Variants in PLCL1 observed in about 807,000 individuals in gnomAD.
PLCL1 encodes inactive phospholipase C-like protein 1.
A neutral mutation model predicts 84.4 loss-of-function variants in PLCL1; 41 were observed. That is an observed-to-expected ratio of 0.49 (90% CI 0.38 to 0.63). The LOEUF (loss-of-function observed/expected upper bound fraction) is 0.63, where lower values mean the gene tolerates loss of function less well. Among genes scored for constraint, PLCL1 ranks in the 30% least tolerant of loss-of-function variants. The pLI is 0.00. For missense variants in PLCL1, 1,206 were observed against 1,367.8 expected (o/e 0.88, Z 1.87); for synonymous variants, 490 against 488.3 (o/e 1.00, Z -0.05).
chr2:198,086,294 T>C, intron 2 of PLCL1, 62 bp downstream of exon 2: 2 of 1,204,466 alleles, frequency 1.7e-6, no homozygotes, highest in African/African-American at 1.5e-5. Flanking sequence ...TATAATGTTT[T>C]ATTAATAATC....
At chr2:197,890,133 T>C (rs1013466649) in intron 1 of PLCL1, among the ~76,000 whole-genome samples, 8 of 152,222 alleles carry the variant, frequency 5.3e-5, no homozygotes, top group Non-Finnish European at 1.0e-4. Flanking sequence ...GAAATGAGTT[T>C]GGAAGCTGAT....
At chr2:198,037,102 C>T (rs1691568181) in intron 1 of PLCL1, among the ~76,000 whole-genome samples, 1 of 152,338 alleles carries the variant, frequency 6.6e-6, no homozygotes, top group African/African-American at 2.4e-5. Flanking sequence ...TGCTACTCCA[C>T]ATACTCTTGA....
chr2:198,041,993 A>G lies in PLCL1; in HGVS notation c.241-41765A>G, dbSNP rs532822627. On this transcript the variant is annotated intron_variant, in intron 1 of 5. Transcript: ENST00000428675. ...TGTGCCTATCTGCAAGTGATGAATC[A>G]TGATTGGTCTAACCCATTCATGATG... is the stretch of plus-strand genomic sequence containing the variant. 3.3e-5 allele frequency among the ~76,000 whole-genome samples: 5 copies of G among 152,308 alleles called. No homozygotes were observed. In the South Asian group the frequency reaches 1.0e-3, roughly 32 times the overall value.
At chr2:197,975,961 A>G (rs937961911) in intron 1 of PLCL1, among the ~76,000 whole-genome samples, 12 of 152,092 alleles carry the variant, frequency 7.9e-5, no homozygotes, top group African/African-American at 2.9e-4. Context: ...CTTCTCCCCA[A>G]CCATACCTTC....
At chr2:197,983,172 T>TTTTTTC (rs1214949170) in intron 1 of PLCL1, among the ~76,000 whole-genome samples, 2 of 149,560 alleles carry the variant, frequency 1.3e-5, no homozygotes, top group Non-Finnish European at 3.0e-5. Context: ...TCTTTCTTTC[T>TTTTTTC]TTTTTCTTTT....
At chr2:197,996,007 T>C (rs1559068407) in intron 1 of PLCL1, among the ~76,000 whole-genome samples, 1 of 152,114 alleles carries the variant, frequency 6.6e-6, no homozygotes, top group Non-Finnish European at 1.5e-5. Context: ...GAAGTGGGGA[T>C]GATTGCAAGG....
chr2:197,882,560 T>C lies in PLCL1; in HGVS notation c.240+77221T>C, dbSNP rs1687848903. On this transcript the variant is annotated intron_variant, in intron 1 of 5. Transcript: ENST00000428675. Reference sequence around the variant, plus strand: ...TGCTAAAGCACTCAAGGGAGTTTTGTTGAGCACTGAATTATGTGTAATATA... The same window carrying C: ...TGCTAAAGCACTCAAGGGAGTTTTGCTGAGCACTGAATTATGTGTAATATA... 1.3e-5 allele frequency among the ~76,000 whole-genome samples: 2 copies of C among 152,200 alleles called. 1 individual carries two copies. The highest frequency in any genetic ancestry group is 1.3e-4 in the Admixed American group (2 of 15,256).
chr2:198,084,337 A>G lies in PLCL1; in HGVS notation c.820A>G (p.Thr274Ala), dbSNP rs146525330. 929 of 1,613,706 alleles carry G rather than the reference A, an allele frequency of 5.8e-4. No homozygotes were observed. The highest frequency in any genetic ancestry group is 7.5e-4 in the Non-Finnish European group (888 of 1,179,746). ...AGAGTTAATAAAACAACTCAACCCT[A>G]CTCTGAAGGAAGCCAAGATCAGGTT... is the stretch of plus-strand genomic sequence containing the variant. ...SVELIKQLNP[T>A]LKEAKIRLKF... Residue 274 changes from threonine (T) to alanine (A), a missense_variant, in exon 2 of 6, where the codon ACT (threonine) becomes GCT (alanine). Thr to Ala is a moderately conservative substitution (Grantham distance 58). Coordinates refer to ENST00000428675, the MANE Select transcript of PLCL1 (RefSeq NM_006226.4).
Position 198,001,287 on chromosome 2 carries a change from AT to A in PLCL1, c.241-82463del, listed in dbSNP as rs577265506. Among the ~76,000 whole-genome samples the A allele has an allele frequency of 3.3e-5, 5 of 151,914 alleles. No individual in the cohort carries two copies. In the East Asian group the frequency reaches 5.8e-4, roughly 18 times the overall value. ...CTGCTGTCACATCACTTATTGAGGG[AT>A]TTTTTTTGTTTGCTTAGTTATTTCA... is the stretch of plus-strand genomic sequence containing the variant. On this transcript the variant is annotated intron_variant, in intron 1 of 5. Transcript: ENST00000428675.
intron 5 of PLCL1, among the ~76,000 whole-genome samples, chr2:198,110,444 G>C (rs919757478): frequency 6.6e-6 from 1 of 151,890 alleles, no homozygotes; most frequent in African/African-American, 2.4e-5. Context: ...TTACAGTTCT[G>C]GGGAATCTTG....
intron 1 of PLCL1, among the ~76,000 whole-genome samples, chr2:197,912,415 A>G (rs888842675): frequency 2.0e-5 from 3 of 151,636 alleles, no homozygotes; most frequent in African/African-American, 7.3e-5. Context: ...AACTAGAAAT[A>G]CCATTTGACC....
chr2:197,846,089 A>G (rs1252898976), intron 1 of PLCL1, among the ~76,000 whole-genome samples: 36 of 152,202 alleles, frequency 2.4e-4, no homozygotes, highest in Admixed American at 2.2e-3. Context: ...CAATATGAGG[A>G]AAAAAATCTG....
intron 1 of PLCL1, among the ~76,000 whole-genome samples, chr2:197,979,735 C>A (rs1690065465): frequency 6.6e-6 from 1 of 152,168 alleles, no homozygotes; most frequent in Admixed American, 6.5e-5. Context: ...GAGATTTTCA[C>A]TACTCCCAGA....
intron 1 of PLCL1, among the ~76,000 whole-genome samples, chr2:198,068,883 C>A (rs997752188): frequency 2.6e-5 from 4 of 151,732 alleles, no homozygotes; most frequent in Admixed American, 6.6e-5. Flanking sequence ...ATTAGCCAGG[C>A]GTGGTGGCAG....
chr2:197,922,420 A>G (rs1208519713), intron 1 of PLCL1, among the ~76,000 whole-genome samples: 1 of 108,070 alleles, frequency 9.3e-6, no homozygotes, highest in African/African-American at 3.3e-5. Flanking sequence ...TTCTTTCTAC[A>G]CAGACACGGC....
At chr2:197,880,903 T>C (rs1467028956) in intron 1 of PLCL1, among the ~76,000 whole-genome samples, 1 of 152,248 alleles carries the variant, frequency 6.6e-6, no homozygotes, top group Non-Finnish European at 1.5e-5. Context: ...AATAAAACCA[T>C]ACCTTATGCT....
In PLCL1 at chr2:198,083,175, A is replaced by G. The variant is rs138548801; in HGVS notation, c.241-583A>G. ...ATGTTAAAATCAAATTGTTTACCTC[A>G]GTTTGAAAATTTGCTCAAATGAGAG... On this transcript the variant is annotated intron_variant, in intron 1 of 5. Transcript: ENST00000428675. 7.0e-4 allele frequency among the ~76,000 whole-genome samples: 107 copies of G among 152,352 alleles called. 4 individuals are homozygous for G. The South Asian group carries it at 0.014, about 20-fold the overall frequency.
intron 1 of PLCL1, among the ~76,000 whole-genome samples, chr2:197,978,528 G>T (rs139546765): frequency 1.4e-4 from 22 of 152,202 alleles, no homozygotes; most frequent in African/African-American, 5.3e-4. Flanking sequence ...AGTTCCTAAG[G>T]CATATTTCTG....
rs558314461 is a variant in PLCL1, at chr2:198,072,713, T to TG, written c.241-11041dup. On this transcript the variant is annotated intron_variant, in intron 1 of 5. Transcript: ENST00000428675. ...GATACTGTATTTTGTCAGATGTCTTTGGGGTAGTTTCAGTTATGAACAATT... is the reference window on the plus strand; with the variant it reads ...GATACTGTATTTTGTCAGATGTCTTTGGGGGTAGTTTCAGTTATGAACAATT... Among the ~76,000 whole-genome samples the TG allele has an allele frequency of 3.3e-5, 5 of 152,216 alleles. No homozygotes were observed. In the East Asian group the frequency reaches 9.6e-4, roughly 29 times the overall value.
Sources: gnomAD v4.1 joint callset for allele counts (sites outside exome capture counted in the v4.1 genomes callset) on GRCh38, gnomAD v4.1.1 for gene constraint, MANE v1.5 for transcripts, NCBI Gene and HGNC (gene_info 2026-07-23, HGNC 2026-07-21) for gene names.